The following DMD variants were observed in gnomAD, a reference collection of about 807,000 sequenced individuals.
DMD encodes the protein mutant dystrophin.
A neutral mutation model predicts 330.1 loss-of-function variants in DMD; 63 were observed. That is an observed-to-expected ratio of 0.19 (90% CI 0.16 to 0.24). The LOEUF is 0.24. Among genes scored for constraint, DMD ranks in the 10% least tolerant of loss-of-function variants. The probability of loss-of-function intolerance (pLI) is 1.00; values close to 1 mark genes in which losing one functional copy is unlikely to be tolerated. For missense variants in DMD, 3,344 were observed against 2,684.1 expected (o/e 1.25, Z -5.43); for synonymous variants, 1,223 against 959.8 (o/e 1.27, Z -5.07).
rs951645996 is a variant in DMD at position 32,902,910 on chromosome X, A to G, written c.94-53090T>C. Among the ~76,000 whole-genome samples, 8 of 109,737 alleles carry G rather than the reference A, an allele frequency of 7.3e-5. 1 individual carries two copies. The highest frequency in any genetic ancestry group is 2.7e-4 in the African/African-American group (8 of 29,610). On this transcript the variant is annotated intron_variant, in intron 2 of 78. Transcript: ENST00000357033. ...GGTGGTTCACACCTGTAATCCCAGCACTTTGGGAGGCCAAGGCGGGTGGAT... is the reference window on the plus strand; with the variant it reads ...GGTGGTTCACACCTGTAATCCCAGCGCTTTGGGAGGCCAAGGCGGGTGGAT...
In DMD at chrX:31,344,858, T is replaced by TACAC. The variant is rs376996455; in HGVS notation, c.9163+3694_9163+3697dup. On this transcript the variant is annotated intron_variant, in intron 61 of 78. Transcript: ENST00000357033. ...AAAAAAATAAAAGATAGAACCTTGA[T>TACAC]ACACACACACACACACACACGCAAC... 2.0e-3 allele frequency among the ~76,000 whole-genome samples: 216 copies of TACAC among 107,169 alleles called. 1 individual carries two copies. The highest frequency in any genetic ancestry group is 6.7e-3 in the African/African-American group (198 of 29,563). The allele number at this position is 107,169 out of a possible 115,157, so 93.1% of individuals were successfully genotyped here.
intron 2 of DMD, among the ~76,000 whole-genome samples, chrX:32,995,596 T>A (rs374917381): frequency 8.9e-6 from 1 of 112,235 alleles, no homozygotes; most frequent in East Asian, 2.8e-4. Flanking sequence ...AGGAACAGCC[T>A]GCATATTGCC....
intron 43 of DMD, among the ~76,000 whole-genome samples, chrX:32,221,561 A>C (rs2097132083): frequency 8.9e-6 from 1 of 111,921 alleles, no homozygotes; most frequent in Non-Finnish European, 1.9e-5. Context: ...GTTTTTAAAA[A>C]ATTCAAATTC....
chrX:32,718,375 A>G (rs2065937890), intron 7 of DMD, among the ~76,000 whole-genome samples: 2 of 110,917 alleles, frequency 1.8e-5, no homozygotes, highest in Admixed American at 1.9e-4. Context: ...TTCTCTGGCC[A>G]TGTAAGCCGT....
intron 67 of DMD, among the ~76,000 whole-genome samples, chrX:31,189,126 C>T (rs2042076659): frequency 8.9e-6 from 1 of 111,777 alleles, no homozygotes; most frequent in Admixed American, 9.5e-5. Context: ...AAAATCAATT[C>T]ATGGCTACAG....
At chrX:32,838,492 C>T (rs763101357) in intron 4 of DMD, among the ~76,000 whole-genome samples, 18 of 110,667 alleles carry the variant, frequency 1.6e-4, no homozygotes, top group African/African-American at 4.9e-4. Flanking sequence ...TCAGAACATG[C>T]GGTGTTTGGT....
intron 76 of DMD, among the ~76,000 whole-genome samples, chrX:31,142,063 G>T (rs936832228): frequency 2.7e-5 from 3 of 111,835 alleles, no homozygotes; most frequent in Non-Finnish European, 5.6e-5. Context: ...AAGATTTAAA[G>T]AGGCTGGGAA....
intron 2 of DMD, among the ~76,000 whole-genome samples, chrX:32,957,849 A>T (rs2091680400): frequency 8.9e-6 from 1 of 111,931 alleles, no homozygotes; most frequent in Non-Finnish European, 1.9e-5. Flanking sequence ...CTGATGGCAT[A>T]GGCTCCAGAT....
chrX:32,697,996 G>T lies in DMD; in HGVS notation c.834C>A (p.Ile278=), dbSNP rs2147583336. 8.4e-7 allele frequency: 1 copy of T among 1,190,859 alleles called. No homozygotes were observed. Among genetic ancestry groups the T allele is most frequent in the East Asian group, 3.0e-5 (1 of 32,928 alleles). ...CATATCCCTGTGCTAGACTGACCGT[G>T]ATCTGCAGAGAAGGGTTTGGGGGAG... is the stretch of plus-strand genomic sequence containing the variant. ...LHHQMHYSQQ[I]TVSLAQGYER... is the part of the protein sequence containing the mutation. Residue 278 remains isoleucine (I), a splice_region_variant and synonymous_variant, in exon 9 of 79, where the codon ATC becomes ATA. Coordinates refer to ENST00000357033, the MANE Select transcript of DMD (RefSeq NM_004006.3).
chrX:32,356,585 T>C (rs1176508071), intron 37 of DMD, among the ~76,000 whole-genome samples: 1 of 110,361 alleles, frequency 9.1e-6, no homozygotes, highest in Non-Finnish European at 1.9e-5. Context: ...ATATATCCTA[T>C]AGCAAATAAG....
intron 44 of DMD, chrX:32,205,995 G>A: frequency 2.1e-6 from 1 of 468,433 alleles, no homozygotes; most frequent in Non-Finnish European, 3.9e-6. Flanking sequence ...GGATAATAAT[G>A]AAATTGAGCA....
At chrX:31,419,614 T>C (rs1330955878) in intron 60 of DMD, among the ~76,000 whole-genome samples, 1 of 112,051 alleles carries the variant, frequency 8.9e-6, no homozygotes, top group Non-Finnish European at 1.9e-5. Flanking sequence ...TAGGGCTTTC[T>C]GAGGGCAGGG....
At position 31,264,213 on chromosome X, in the gene DMD, C is replaced by T. The variant is rs925401133; in HGVS notation, c.9225-3197G>A. Reference sequence around the variant, plus strand: ...TTCTCAGTAACTCCATGAGAAGAGCCCACATTTACCTGGAATATGCAGACG... The same window carrying T: ...TTCTCAGTAACTCCATGAGAAGAGCTCACATTTACCTGGAATATGCAGACG... On this transcript the variant is annotated intron_variant, in intron 62 of 78. Coordinates refer to ENST00000357033, the MANE Select transcript of DMD (RefSeq NM_004006.3). Among the ~76,000 whole-genome samples the T allele has an allele frequency of 2.7e-5, 3 of 112,001 alleles. No homozygotes were observed. In the East Asian group the frequency reaches 8.3e-4, roughly 31 times the overall value.
At chrX:32,870,487 CA>C (rs2082863240) in intron 2 of DMD, among the ~76,000 whole-genome samples, 1 of 111,799 alleles carries the variant, frequency 8.9e-6, no homozygotes, top group South Asian at 3.7e-4. Flanking sequence ...CAATCCTAAG[CA>C]AAAATAACAA....
intron 77 of DMD, among the ~76,000 whole-genome samples, chrX:31,131,226 G>C (rs1321269125): frequency 1.8e-5 from 2 of 112,230 alleles, no homozygotes; most frequent in Non-Finnish European, 3.8e-5. Flanking sequence ...AAGAAAAACT[G>C]AGATCACATA....
rs948058896 is a variant in DMD at position 33,045,985 on chromosome X, C to T, written c.32-25785G>A. On this transcript the variant is annotated intron_variant, in intron 1 of 78. Transcript: ENST00000357033. ...GCAGAATAGGCAGTTCAACTAAGGGCGGGATGCAGGTACTGGTTCACTTCA... is the reference window on the plus strand; with the variant it reads ...GCAGAATAGGCAGTTCAACTAAGGGTGGGATGCAGGTACTGGTTCACTTCA... 3.6e-5 allele frequency among the ~76,000 whole-genome samples: 4 copies of T among 111,392 alleles called. No individual in the cohort carries two copies. In the Admixed American group the frequency reaches 3.8e-4, roughly 11 times the overall value.
In DMD at chrX:31,121,841, C is replaced by T. The variant is rs774279444; in HGVS notation, c.*78G>A. 1 of 1,193,035 alleles carries T rather than the reference C, an allele frequency of 8.4e-7. No individual in the cohort carries two copies. The highest frequency in any genetic ancestry group is 1.1e-6 in the Non-Finnish European group (1 of 878,648). ...CAGGAGTTGTAAAACATTTATTCTG[C>T]TCCTTCTTCATCTGTCATGACTGAT... On this transcript the variant is annotated 3_prime_UTR_variant, in exon 79 of 79. Transcript: ENST00000357033.
intron 74 of DMD, among the ~76,000 whole-genome samples, chrX:31,164,399 A>T (rs1180067305): frequency 9.0e-6 from 1 of 111,393 alleles, no homozygotes; most frequent in African/African-American, 3.3e-5. Context: ...TTCAGGAAGG[A>T]CCTCTAATAA....
chrX:33,303,006 G>A (rs1039764052), intron 1 of DMD, among the ~76,000 whole-genome samples: 1 of 111,697 alleles, frequency 9.0e-6, no homozygotes, highest in Non-Finnish European at 1.9e-5. Context: ...CCAGAATGTC[G>A]TATTGTTGAA....
Sources: gnomAD v4.1 joint callset for allele counts (sites outside exome capture counted in the v4.1 genomes callset) on GRCh38, gnomAD v4.1.1 for gene constraint, MANE v1.5 for transcripts, NCBI Gene and HGNC (gene_info 2026-07-23, HGNC 2026-07-21) for gene names.